Variants in FARP2 observed in about 807,000 individuals in gnomAD.
FARP2 encodes the protein FERM, ARHGEF and pleckstrin domain-containing protein 2.
Under a neutral mutation model 130.5 loss-of-function variants are expected in FARP2, and 111 were observed. The ratio of observed to expected loss-of-function variants is 0.85; its 90% confidence interval spans 0.73 to 1.00. The LOEUF (loss-of-function observed/expected upper bound fraction) is 1.00. Among genes scored for constraint, FARP2 ranks in the 50% least tolerant of loss-of-function variants. FARP2 has a pLI of 0.00. For missense variants in FARP2, 1,385 were observed against 1,346.3 expected, an observed-to-expected ratio of 1.03 and a Z score of -0.45; for synonymous variants, 504 against 516.9, an observed-to-expected ratio of 0.98 and a Z score of 0.34.
At chr2:241,454,218 G>T (rs1458120038) in intron 13 of FARP2, among the ~76,000 whole-genome samples, 4 of 152,022 alleles carry the variant, frequency 2.6e-5, no homozygotes, top group African/African-American at 9.7e-5. Context: ...TTTACCTCCT[G>T]CAACTTAAAG....
intron 17 of FARP2, among the ~76,000 whole-genome samples, chr2:241,467,032 A>G (rs1167348065): frequency 6.6e-6 from 1 of 152,020 alleles, no homozygotes; most frequent in African/African-American, 2.4e-5. Flanking sequence ...AGGCAGGTGG[A>G]TCGCTTGAGT....
At chr2:241,401,682 T>C (rs1406493299) in intron 2 of FARP2, among the ~76,000 whole-genome samples, 2 of 151,916 alleles carry the variant, frequency 1.3e-5, no homozygotes, top group Non-Finnish European at 2.9e-5. Context: ...TTAATTAAAC[T>C]ATGTGTTGTA....
chr2:241,408,771 G>C (rs2062432637), intron 5 of FARP2, among the ~76,000 whole-genome samples: 1 of 152,086 alleles, frequency 6.6e-6, no homozygotes, highest in Non-Finnish European at 1.5e-5. Context: ...ACTCATAAAT[G>C]AATCAGATGT....
At chr2:241,378,267 AAT>A (rs1368488572) in intron 2 of FARP2, among the ~76,000 whole-genome samples, 4 of 142,384 alleles carry the variant, frequency 2.8e-5, no homozygotes, top group Non-Finnish European at 3.1e-5. Flanking sequence ...ATGCCCGGCT[AAT>A]ATTTTTTTTT....
chr2:241,445,649 A>G (rs1214891699), intron 13 of FARP2: 1 of 152,236 alleles, frequency 6.6e-6, no homozygotes, highest in African/African-American at 2.4e-5. Flanking sequence ...GTGTGGCCTG[A>G]TAAACCCTGA....
chr2:241,382,292 A>ATTTTT (rs772855102), intron 2 of FARP2, among the ~76,000 whole-genome samples: 5 of 126,270 alleles, frequency 4.0e-5, no homozygotes, highest in Admixed American at 8.5e-5. Flanking sequence ...TACAAAATCT[A>ATTTTT]TTTTTTTTTT....
chr2:241,408,371 C>CAA (rs966306915), intron 5 of FARP2, among the ~76,000 whole-genome samples: 9 of 135,128 alleles, frequency 6.7e-5, no homozygotes, highest in African/African-American at 2.2e-4. Context: ...GACTCCGTCT[C>CAA]AAAAAAAAAA....
At chr2:241,447,774 C>G (rs2063544979) in intron 13 of FARP2, among the ~76,000 whole-genome samples, 1 of 152,194 alleles carries the variant, frequency 6.6e-6, no homozygotes, top group South Asian at 2.1e-4. Context: ...TAGCCCCACA[C>G]ACGCCTGCGG....
chr2:241,493,693 C>A (rs935945315), intron 26 of FARP2: 1 of 536,052 alleles, frequency 1.9e-6, no homozygotes, highest in Non-Finnish European at 3.3e-6. Context: ...CTCCAGGGTT[C>A]AAGCGATTCT....
intron 2 of FARP2, among the ~76,000 whole-genome samples, chr2:241,390,339 G>T (rs1453602650): frequency 6.6e-6 from 1 of 152,234 alleles, no homozygotes; most frequent in Non-Finnish European, 1.5e-5. Flanking sequence ...CCGTCTTCAG[G>T]ACAGGAGTCA....
At chr2:241,408,621 G>T (rs903398626) in intron 5 of FARP2, among the ~76,000 whole-genome samples, 1 of 151,400 alleles carries the variant, frequency 6.6e-6, no homozygotes, top group Non-Finnish European at 1.5e-5. Flanking sequence ...TGTATTTTTT[G>T]TATTTGTTCA....
intron 1 of FARP2, among the ~76,000 whole-genome samples, chr2:241,369,128 A>G (rs2061373519): frequency 6.6e-6 from 1 of 152,090 alleles, no homozygotes; most frequent in African/African-American, 2.4e-5. Flanking sequence ...CGCTGCTTGG[A>G]AAGTGTGCAA....
Position 241,454,403 on chromosome 2 carries a change from G to A in FARP2, c.1412-2344G>A, listed in dbSNP as rs904150744. On this transcript the variant is annotated intron_variant, in intron 13 of 26. Coordinates refer to ENST00000264042, the MANE Select transcript of FARP2 (RefSeq NM_014808.4). ...GAGACATCTTCCTGCCACACCCTGA[G>A]CAACACAGTTGTGAAGAGTAAATAG... Among the ~76,000 whole-genome samples, 15 of 152,194 alleles carry A rather than the reference G, an allele frequency of 9.9e-5. No individual in the cohort carries two copies. The South Asian group carries it at 3.1e-3, about 31-fold the overall frequency.
rs531016326 is a variant in FARP2 at position 241,415,733 on chromosome 2, A to G, written c.624-2229A>G. On this transcript the variant is annotated intron_variant, in intron 7 of 26. Transcript: ENST00000264042. ...GAAGCATGGAAGGGCACAGGTGCCAAGAGAGCATGTTTTAGGATAGTGGCC... is the reference window on the plus strand; with the variant it reads ...GAAGCATGGAAGGGCACAGGTGCCAGGAGAGCATGTTTTAGGATAGTGGCC... 2.0e-5 allele frequency among the ~76,000 whole-genome samples: 3 copies of G among 152,342 alleles called. No individual in the cohort carries two copies. The South Asian group carries it at 6.2e-4, about 32-fold the overall frequency.
At chr2:241,369,029 C>T (rs2061371584) in intron 1 of FARP2, among the ~76,000 whole-genome samples, 1 of 152,056 alleles carries the variant, frequency 6.6e-6, no homozygotes, top group African/African-American at 2.4e-5. Flanking sequence ...AGATCAGTCT[C>T]ATGAACAAGG....
intron 21 of FARP2, among the ~76,000 whole-genome samples, chr2:241,485,714 C>T (rs1159325614): frequency 6.6e-6 from 1 of 151,672 alleles, no homozygotes; most frequent in Admixed American, 6.6e-5. Flanking sequence ...TCCTCCTTCC[C>T]TAGGATCTTC....
chr2:241,427,768 TTTTTG>T (rs768539427), intron 8 of FARP2, among the ~76,000 whole-genome samples: 3 of 152,026 alleles, frequency 2.0e-5, no homozygotes, highest in East Asian at 1.9e-4. Flanking sequence ...GGCCCTCGGT[TTTTTG>T]TTTTGTTTTT....
chr2:241,406,331 A>T (rs1001009379), intron 4 of FARP2, among the ~76,000 whole-genome samples: 3 of 151,994 alleles, frequency 2.0e-5, no homozygotes, highest in African/African-American at 7.2e-5. Context: ...CAAAACAAAA[A>T]CATAAACTGG....
At chr2:241,357,698 A>G (rs2150271404) in intron 1 of FARP2, among the ~76,000 whole-genome samples, 1 of 152,272 alleles carries the variant, frequency 6.6e-6, no homozygotes, top group East Asian at 1.9e-4. Flanking sequence ...GCAGATTCTC[A>G]TTAGGTGGTT....
Sources: gnomAD v4.1 joint callset for allele counts (sites outside exome capture counted in the v4.1 genomes callset) on GRCh38, gnomAD v4.1.1 for gene constraint, MANE v1.5 for transcripts, NCBI Gene and HGNC (gene_info 2026-07-23, HGNC 2026-07-21) for gene names.